The following NRXN1 variants were observed in gnomAD, a reference collection of about 807,000 sequenced individuals.
NRXN1 encodes the protein neurexin-1.
Under a neutral mutation model 150.9 loss-of-function variants are expected in NRXN1, and 39 were observed. That is an observed-to-expected ratio of 0.26 (90% CI 0.20 to 0.34). NRXN1 has a LOEUF of 0.34. NRXN1 is among the 10% of genes least tolerant of loss of function. The pLI is 1.00. For synonymous variants in NRXN1, 924 were observed against 757.0 expected (o/e 1.22, Z -3.62); for missense variants, 1,815 against 1,949.9 (o/e 0.93, Z 1.30).
chr2:50,996,882 C>T (rs566891508), intron 2 of NRXN1, among the ~76,000 whole-genome samples: 3 of 152,200 alleles, frequency 2.0e-5, no homozygotes, highest in South Asian at 2.1e-4. Context: ...TCATCAAACT[C>T]GTGAGGGGGG....
intron 17 of NRXN1, among the ~76,000 whole-genome samples, chr2:50,416,116 T>G (rs56358307): frequency 6.6e-6 from 1 of 152,026 alleles, no homozygotes; most frequent in Non-Finnish European, 1.5e-5. Flanking sequence ...TATACTTCAG[T>G]GGAGACAGAT....
chr2:50,932,589 G>A (rs1687921198), intron 2 of NRXN1, among the ~76,000 whole-genome samples: 1 of 152,016 alleles, frequency 6.6e-6, no homozygotes, highest in South Asian at 2.1e-4. Flanking sequence ...GGAAAGGGCA[G>A]GAGAGGAGTA....
chr2:50,885,250 T>C (rs1250836677), intron 5 of NRXN1, among the ~76,000 whole-genome samples: 1 of 151,484 alleles, frequency 6.6e-6, no homozygotes, highest in Non-Finnish European at 1.5e-5. Flanking sequence ...ATAGATATTA[T>C]GAACTATATC....
At chr2:50,948,729 G>A (rs1223310543) in intron 2 of NRXN1, among the ~76,000 whole-genome samples, 3 of 151,940 alleles carry the variant, frequency 2.0e-5, no homozygotes, top group Admixed American at 1.3e-4. Context: ...TCTCTTTCAG[G>A]CAGTCACTAA....
intron 18 of NRXN1, among the ~76,000 whole-genome samples, chr2:50,119,375 A>C (rs977879223): frequency 6.6e-6 from 1 of 152,096 alleles, no homozygotes; most frequent in African/African-American, 2.4e-5. Context: ...TTTATTTGGA[A>C]AATGTAAGGA....
In NRXN1 at chr2:50,384,446, C is replaced by T. The variant is rs183440877; in HGVS notation, c.3364+80996G>A. Among the ~76,000 whole-genome samples, 307 of 135,342 alleles carry T rather than the reference C, an allele frequency of 2.3e-3. 1 individual carries two copies. In the Middle Eastern group the frequency reaches 0.027, roughly 12 times the overall value. The allele number at this position is 135,342 out of a possible 152,430, so 88.8% of individuals were successfully genotyped here. ...GCTTGAACTCAAGAGGTGGAGGTTG[C>T]AGTGAGCCAGGATCATGCCACTGCA... On this transcript the variant is annotated intron_variant, in intron 17 of 22. Coordinates refer to ENST00000401669, the MANE Select transcript of NRXN1 (RefSeq NM_001330078.2).
intron 17 of NRXN1, among the ~76,000 whole-genome samples, chr2:50,450,465 T>C (rs970395878): frequency 1.3e-5 from 2 of 151,860 alleles, no homozygotes; most frequent in African/African-American, 4.8e-5. Flanking sequence ...CCTTCTATCC[T>C]GGGTCTTGGA....
intron 2 of NRXN1, among the ~76,000 whole-genome samples, chr2:50,989,681 C>A (rs1698253989): frequency 6.6e-6 from 1 of 152,004 alleles, no homozygotes; most frequent in Non-Finnish European, 1.5e-5. Context: ...GTACCCCAGT[C>A]TGTCTATCCA....
At position 50,666,526 on chromosome 2, in the gene NRXN1, T is replaced by C. The variant is rs1337560604; in HGVS notation, c.833-42911A>G. 2.6e-5 allele frequency among the ~76,000 whole-genome samples: 4 copies of C among 151,928 alleles called. No individual in the cohort carries two copies. The East Asian group carries it at 5.8e-4, about 22-fold the overall frequency. On this transcript the variant is annotated intron_variant, in intron 5 of 22. Transcript: ENST00000401669. The stretch of plus-strand genomic sequence containing the variant: ...TCCAAATAATTATTTTCCAAAGAAG[T>C]TGTACCATTTCACATTCCCATGAAT...
intron 2 of NRXN1, among the ~76,000 whole-genome samples, chr2:50,929,234 A>G (rs1461634708): frequency 6.6e-6 from 1 of 152,130 alleles, no homozygotes; most frequent in African/African-American, 2.4e-5. Context: ...TTCTAGGAAA[A>G]CAAATGAATA....
At chr2:51,029,255 A>T (rs775534170) in intron 1 of NRXN1, 61 bp from the exon 2 acceptor site, 1 of 152,260 alleles carries the variant, frequency 6.6e-6, no homozygotes, top group South Asian at 2.1e-4. Flanking sequence ...ATAAATCATT[A>T]TTCAGCTCAT....
intron 21 of NRXN1, among the ~76,000 whole-genome samples, chr2:49,995,136 G>C (rs1427008700): frequency 1.3e-5 from 2 of 152,170 alleles, no homozygotes; most frequent in Non-Finnish European, 2.9e-5. Context: ...ATTGAAGAGG[G>C]TGGCAACATC....
At chr2:49,928,453 G>GTAT (rs1284630535) in intron 22 of NRXN1, among the ~76,000 whole-genome samples, 11 of 152,098 alleles carry the variant, frequency 7.2e-5, no homozygotes, top group Non-Finnish European at 1.3e-4. Flanking sequence ...TCTAATAGAT[G>GTAT]TGGAAGTTAT....
Position 50,053,306 on chromosome 2 carries a change from T to G in NRXN1, c.4093A>C (p.Arg1365=), listed in dbSNP as rs138923645. Residue 1365 remains arginine, a synonymous_variant, in exon 21 of 23, where the codon AGA becomes CGA. Transcript: ENST00000401669. ...GGTTCTTTTGTCGGGGGCTTTCCTCTTCTGGCTGTGCTAGTAGCCAGGGTC... is the reference window on the plus strand; with the variant it reads ...GGTTCTTTTGTCGGGGGCTTTCCTCGTCTGGCTGTGCTAGTAGCCAGGGTC... ...TTTLATSTAR[R]GKPPTKEPIS... The G allele has an allele frequency of 1.2e-6, 2 of 1,613,916 alleles. No individual in the cohort carries two copies. The highest frequency in any genetic ancestry group is 2.7e-5 in the African/African-American group (2 of 74,920).
intron 18 of NRXN1, among the ~76,000 whole-genome samples, chr2:50,233,397 A>G (rs963826734): frequency 1.3e-5 from 2 of 152,106 alleles, no homozygotes; most frequent in Non-Finnish European, 2.9e-5. Flanking sequence ...GTTAATCAAA[A>G]TTTTTAAAAA....
intron 17 of NRXN1, among the ~76,000 whole-genome samples, chr2:50,255,329 T>C (rs1215593241): frequency 6.6e-6 from 1 of 152,180 alleles, no homozygotes; most frequent in Admixed American, 6.6e-5. Context: ...ATGGAGAATT[T>C]TACATTTTAC....
intron 21 of NRXN1, among the ~76,000 whole-genome samples, chr2:49,944,903 C>T (rs1180003838): frequency 6.6e-6 from 1 of 152,010 alleles, no homozygotes; most frequent in African/African-American, 2.4e-5. Context: ...ATATGAGCAC[C>T]TAATATTAAA....
At chr2:50,829,096 GCA>G (rs1671000766) in intron 5 of NRXN1, among the ~76,000 whole-genome samples, 1 of 151,890 alleles carries the variant, frequency 6.6e-6, no homozygotes. Flanking sequence ...AGGCGTGGTG[GCA>G]CGTGCCTGCA....
chr2:50,756,118 T>A (rs954235589), intron 5 of NRXN1, among the ~76,000 whole-genome samples: 2 of 151,822 alleles, frequency 1.3e-5, no homozygotes, highest in African/African-American at 4.8e-5. Flanking sequence ...GGCCTTTCTC[T>A]GCACTTTCCT....
Sources: allele counts gnomAD v4.1 joint callset (sites outside exome capture counted in the v4.1 genomes callset), GRCh38; gene constraint gnomAD v4.1.1; transcripts MANE v1.5; gene names NCBI Gene and HGNC (gene_info 2026-07-23, HGNC 2026-07-21).